Variants in RHOT1 observed in about 807,000 individuals in gnomAD.
RHOT1 encodes mitochondrial Rho GTPase 1.
In RHOT1, 27 loss-of-function variants were observed where a neutral mutation model predicts 95.3. The observed-to-expected ratio is 0.28, with a 90% CI of 0.21 to 0.39. The LOEUF (loss-of-function observed/expected upper bound fraction) is 0.39, where lower values mean the gene tolerates loss of function less well. RHOT1 is among the 10% of genes least tolerant of loss of function. The pLI is 1.00. For synonymous variants in RHOT1, 227 were observed against 263.5 expected, an observed-to-expected ratio of 0.86 and a Z score of 1.34; for missense variants, 578 against 786.7, an observed-to-expected ratio of 0.73 and a Z score of 3.17.
intron 1 of RHOT1, chr17:32,151,138 C>A: frequency 1.2e-6 from 1 of 824,892 alleles, no homozygotes; most frequent in South Asian, 1.3e-5. Context: ...ACACTGGGTT[C>A]TTTACTGTTG....
intron 1 of RHOT1, among the ~76,000 whole-genome samples, chr17:32,147,602 C>G (rs1032183722): frequency 1.1e-4 from 16 of 151,850 alleles, no homozygotes; most frequent in African/African-American, 3.4e-4. Flanking sequence ...GTGGGTGGCT[C>G]AAAGGTCAAG....
chr17:32,159,975 G>A (rs2033380817), intron 1 of RHOT1: 1 of 152,036 alleles, frequency 6.6e-6, no homozygotes, highest in Non-Finnish European at 1.5e-5. Flanking sequence ...GCTGCCCATG[G>A]ACCAATCGGC....
At chr17:32,157,890 A>G (rs991155442) in intron 1 of RHOT1, among the ~76,000 whole-genome samples, 1 of 151,728 alleles carries the variant, frequency 6.6e-6, no homozygotes, top group African/African-American at 2.4e-5. Flanking sequence ...CCTAGAGACC[A>G]AGTTATAGAT....
chr17:32,192,319 G>C lies in RHOT1; in HGVS notation c.639+20G>C. ...TTTCAGGTAATGGTCCTTTATTTCA[G>C]ACATTTGCGTATCTTTTTTTTTTTT... is the stretch of plus-strand genomic sequence containing the variant. On this transcript the variant is annotated intron_variant, in intron 9 of 19. Transcript: ENST00000545287. The C allele has an allele frequency of 2.8e-5, 27 of 952,642 alleles. No individual in the cohort carries two copies. Among genetic ancestry groups the C allele is most frequent in the Non-Finnish European group, 4.0e-5 (25 of 624,712 alleles). The allele number at this position is 952,642 out of a possible 1,614,324, so 59.0% of individuals were successfully genotyped here.
At chr17:32,184,116 A>G (rs1044395365) in intron 8 of RHOT1, among the ~76,000 whole-genome samples, 1 of 152,232 alleles carries the variant, frequency 6.6e-6, no homozygotes, top group Non-Finnish European at 1.5e-5. Context: ...TCATCCTTTT[A>G]AAGTTGTACT....
In RHOT1 at chr17:32,225,258, T is replaced by A. The variant is rs2039064229; in HGVS notation, c.*525T>A. 6.5e-6 allele frequency: 1 copy of A among 153,716 alleles called. No homozygotes were observed. Among genetic ancestry groups the A allele is most frequent in the Non-Finnish European group, 1.5e-5 (1 of 68,722 alleles). The allele number at this position is 153,716 out of a possible 1,614,324, so 9.5% of individuals were successfully genotyped here. A position where few individuals can be genotyped will look rare whatever the true frequency, so the allele number is the denominator to read the frequency against. The stretch of plus-strand genomic sequence containing the variant: ...GTCAGCTTACCAACATGACATTTTT[T>A]CAGTCAGTTGTGGTAGGCCAGCCTT... On this transcript the variant is annotated 3_prime_UTR_variant, in exon 20 of 20. Transcript: ENST00000545287.
chr17:32,214,491 TG>T (rs2038329008), intron 19 of RHOT1, among the ~76,000 whole-genome samples: 1 of 152,232 alleles, frequency 6.6e-6, no homozygotes, highest in South Asian at 2.1e-4. Flanking sequence ...TCTTAAGGTA[TG>T]GCCTAGTCAT....
rs1246082303 is a variant in RHOT1, at chr17:32,206,458, T to G, written c.1417-452T>G. On this transcript the variant is annotated intron_variant, in intron 16 of 19. Transcript: ENST00000545287. ...TATACTTTCTTTTTTTTTTTTTTTTTTTTTTTTTTTTGAGACTGAGTCTTG... is the reference window on the plus strand; with the variant it reads ...TATACTTTCTTTTTTTTTTTTTTTTGTTTTTTTTTTTGAGACTGAGTCTTG... Among the ~76,000 whole-genome samples the G allele has an allele frequency of 6.3e-5, 8 of 126,584 alleles. 1 individual carries two copies. The highest frequency in any genetic ancestry group is 1.5e-4 in the Admixed American group (2 of 12,956). 83.0% of individuals were successfully genotyped at this position (126,584 alleles called of 152,430 possible).
chr17:32,220,680 C>G (rs1353280370), intron 19 of RHOT1, among the ~76,000 whole-genome samples: 3 of 151,018 alleles, frequency 2.0e-5, no homozygotes, highest in South Asian at 4.2e-4. Flanking sequence ...ACTAAAAATA[C>G]CAAAAATTAG....
chr17:32,150,964 C>CTGT, intron 1 of RHOT1: 1 of 1,537,036 alleles, frequency 6.5e-7, no homozygotes, highest in East Asian at 2.3e-5. Context: ...CTGATTGCTG[C>CTGT]TGCTGCTGCT....
At chr17:32,219,333 G>T (rs1032184919) in intron 19 of RHOT1, among the ~76,000 whole-genome samples, 1 of 152,072 alleles carries the variant, frequency 6.6e-6, no homozygotes. Context: ...CCGCTATGTT[G>T]CCCAGGCTGG....
chr17:32,187,757 C>T (rs1286070230), intron 8 of RHOT1, among the ~76,000 whole-genome samples: 4 of 151,978 alleles, frequency 2.6e-5, no homozygotes, highest in South Asian at 2.1e-4. Context: ...TTGGTAGAGA[C>T]GGGGTTTCAC....
At chr17:32,187,640 A>G (rs1003084672) in intron 8 of RHOT1, among the ~76,000 whole-genome samples, 73 of 152,024 alleles carry the variant, frequency 4.8e-4, no homozygotes, top group African/African-American at 1.5e-3. Context: ...GTTGGAGTGC[A>G]GTGGTGTGAT....
Position 32,211,202 on chromosome 17 carries a change from C to A in RHOT1, c.1826C>A (p.Ser609Tyr). 6.2e-7 allele frequency: 1 copy of A among 1,612,184 alleles called. No individual in the cohort carries two copies. Among genetic ancestry groups the A allele is most frequent in the Non-Finnish European group, 8.5e-7 (1 of 1,178,580 alleles). Reference sequence around the variant, plus strand: ...TTCCTCAACTCAGACTTGCTGCAATCTGTAAAGAACAAAATCTTCACTGCA... The same window carrying A: ...TTCCTCAACTCAGACTTGCTGCAATATGTAAAGAACAAAATCTTCACTGCA... ...QNFLNSDLLQSVKNKIFTAVL... is the reference protein window; with the variant it reads ...QNFLNSDLLQYVKNKIFTAVL... Residue 609 changes from serine (S) to tyrosine (Y), a missense_variant, in exon 19 of 20, where the codon TCT (serine) becomes TAT (tyrosine). Transcript: ENST00000545287.
chr17:32,173,205 G>T (rs1191600799), intron 2 of RHOT1: 2 of 152,202 alleles, frequency 1.3e-5, no homozygotes, highest in Non-Finnish European at 2.9e-5. Context: ...TACAACAAAT[G>T]GGTATTGGTG....
At chr17:32,148,337 T>G (rs1476603508) in intron 1 of RHOT1, among the ~76,000 whole-genome samples, 1 of 152,222 alleles carries the variant, frequency 6.6e-6, no homozygotes, top group Admixed American at 6.5e-5. Flanking sequence ...TAAGCTGTCT[T>G]TAAATGCAGA....
chr17:32,156,411 C>T lies in RHOT1; in HGVS notation c.37+13682C>T, dbSNP rs180900046. Among the ~76,000 whole-genome samples, 599 of 151,944 alleles carry T rather than the reference C, an allele frequency of 3.9e-3. 3 individuals are homozygous for T. Among genetic ancestry groups the T allele is most frequent in the Non-Finnish European group, 5.1e-3 (346 of 67,860 alleles). On this transcript the variant is annotated intron_variant, in intron 1 of 19. Coordinates refer to ENST00000545287, the MANE Select transcript of RHOT1 (RefSeq NM_001033566.3). ...CCTCTCAAGTAGCTGGGACTACAAGCACACGCCACCATGCCTGGCTAATTT... is the reference window on the plus strand; with the variant it reads ...CCTCTCAAGTAGCTGGGACTACAAGTACACGCCACCATGCCTGGCTAATTT...
At chr17:32,209,481 T>C in intron 18 of RHOT1, 1 of 1,239,272 alleles carries the variant, frequency 8.1e-7, no homozygotes, top group Non-Finnish European at 1.2e-6. Flanking sequence ...CTGTGGGATT[T>C]TGTTGATATT....
Position 32,207,822 on chromosome 17 carries a change from TATGTGTGTTTA to T in RHOT1, c.1537-274_1537-264del, listed in dbSNP as rs548321566. Among the ~76,000 whole-genome samples the T allele has an allele frequency of 8.2e-3, 1,255 of 152,310 alleles. 20 individuals carry two copies. Among genetic ancestry groups the T allele is most frequent in the African/African-American group, 0.029 (1,189 of 41,558 alleles). ...AGGTGGATTTCTTTATATTTCAAAA[TATGTGTGTTTA>T]ATGTGTGTTTTTAATTACATGTTTT... On this transcript the variant is annotated intron_variant, in intron 17 of 19. Transcript: ENST00000545287.
Sources: gnomAD v4.1 joint callset for allele counts (sites outside exome capture counted in the v4.1 genomes callset) on GRCh38, gnomAD v4.1.1 for gene constraint, MANE v1.5 for transcripts, NCBI Gene and HGNC (gene_info 2026-07-23, HGNC 2026-07-21) for gene names.